Variants in SHANK2 observed in about 807,000 individuals in gnomAD.
The protein encoded by SHANK2 is SH3 and multiple ankyrin repeat domains protein 2.
Under a neutral mutation model 133.7 loss-of-function variants are expected in SHANK2, and 43 were observed. The ratio of observed to expected loss-of-function variants is 0.32; its 90% CI spans 0.25 to 0.41. The LOEUF is 0.41. Ranked by LOEUF, SHANK2 falls within the 10% of genes least tolerant of loss-of-function variation. The probability of loss-of-function intolerance (pLI) is 1.00; values close to 1 mark genes in which losing one functional copy is unlikely to be tolerated. For missense variants in SHANK2, 1,994 were observed against 2,235.8 expected (o/e 0.89, Z 2.18); for synonymous variants, 1,017 against 952.8 (o/e 1.07, Z -1.24).
At chr11:71,241,506 C>T (rs1423984356) in intron 1 of SHANK2, among the ~76,000 whole-genome samples, 1 of 152,174 alleles carries the variant, frequency 6.6e-6, no homozygotes, top group Non-Finnish European at 1.5e-5. Context: ...CACAATCAGC[C>T]TGCGTTTAAG....
intron 17 of SHANK2, among the ~76,000 whole-genome samples, chr11:70,600,418 C>CAAAAAAAAAAAAAAAAAAAAAAAAAAA (rs56103044): frequency 3.1e-5 from 3 of 95,460 alleles, no homozygotes; most frequent in Non-Finnish European, 6.2e-5. Flanking sequence ...GACTCTGTCT[C>CAAAAAAAAAAAAAAAAAAAAAAAAAAA]AAAAAAAAAA....
intron 8 of SHANK2, among the ~76,000 whole-genome samples, chr11:71,088,550 C>A (rs1296747558): frequency 1.9e-4 from 1 of 5,294 alleles, no homozygotes; most frequent in Non-Finnish European, 3.2e-4. Flanking sequence ...CACAACTCAG[C>A]CTTGTCCCCT....
chr11:71,073,223 A>G (rs1951172690), intron 9 of SHANK2, among the ~76,000 whole-genome samples: 1 of 133,940 alleles, frequency 7.5e-6, no homozygotes, highest in Non-Finnish European at 1.5e-5. Context: ...CAGTGGCACT[A>G]TCTCAGCTCA....
At chr11:70,687,854 C>G (rs1199578062) in intron 15 of SHANK2, among the ~76,000 whole-genome samples, 1 of 152,160 alleles carries the variant, frequency 6.6e-6, no homozygotes, top group Non-Finnish European at 1.5e-5. Flanking sequence ...CCCAGCCCCC[C>G]AGGCCCTCCT....
At chr11:70,683,778 A>T (rs1555018901) in intron 15 of SHANK2, among the ~76,000 whole-genome samples, 3 of 142,354 alleles carry the variant, frequency 2.1e-5, no homozygotes, top group African/African-American at 8.0e-5. Context: ...TAGCTTCATG[A>T]TCTCCTTTTT....
chr11:70,921,960 C>T (rs1373402992), intron 10 of SHANK2, among the ~76,000 whole-genome samples: 2 of 152,110 alleles, frequency 1.3e-5, no homozygotes, highest in Non-Finnish European at 2.9e-5. Flanking sequence ...TAGAAACAGA[C>T]CCATGGATGA....
intron 17 of SHANK2, among the ~76,000 whole-genome samples, chr11:70,653,322 G>A (rs2061360790): frequency 6.6e-6 from 1 of 152,106 alleles, no homozygotes; most frequent in South Asian, 2.1e-4. Context: ...GAAGCTGTGG[G>A]GATTGACCCT....
intron 18 of SHANK2, 138 bp from the exon 19 acceptor site, chr11:70,502,424 CT>C: frequency 2.5e-6 from 2 of 787,474 alleles, no homozygotes; most frequent in Non-Finnish European, 4.1e-6. Context: ...TGCAGGTGTG[CT>C]TATGATGGGA....
chr11:71,093,559 A>G (rs1951555267), intron 7 of SHANK2, among the ~76,000 whole-genome samples: 1 of 151,988 alleles, frequency 6.6e-6, no homozygotes, highest in South Asian at 2.1e-4. Flanking sequence ...TACTGTTTAA[A>G]AGTGTGGCAT....
At chr11:70,620,740 G>A (rs370510135) in intron 17 of SHANK2, among the ~76,000 whole-genome samples, 4 of 152,332 alleles carry the variant, frequency 2.6e-5, no homozygotes, top group African/African-American at 9.6e-5. Flanking sequence ...AATGGGATTA[G>A]TGTCCTTATA....
At chr11:71,151,369 C>T (rs1160989628) in intron 2 of SHANK2, among the ~76,000 whole-genome samples, 1 of 152,190 alleles carries the variant, frequency 6.6e-6, no homozygotes, top group Non-Finnish European at 1.5e-5. Context: ...GCGGGGTGCA[C>T]TGGAACCATG....
chr11:71,127,222 T>C (rs1555102855), intron 3 of SHANK2, among the ~76,000 whole-genome samples: 1 of 152,184 alleles, frequency 6.6e-6, no homozygotes, highest in Admixed American at 6.5e-5. Context: ...GATGAGGAGT[T>C]GCCTCTTTGG....
chr11:70,486,351 C>T lies in SHANK2; in HGVS notation c.3942G>A (p.Leu1314=). The T allele has an allele frequency of 6.2e-7, 1 of 1,613,956 alleles. No homozygotes were observed. Among genetic ancestry groups the T allele is most frequent in the Non-Finnish European group, 8.5e-7 (1 of 1,180,024 alleles). Reference sequence around the variant, plus strand: ...TAGTGGCGTCCACGGTGTGCACCATCAGCAGGCCAGCCGACTTCTGCTGGG... The same window carrying T: ...TAGTGGCGTCCACGGTGTGCACCATTAGCAGGCCAGCCGACTTCTGCTGGG... ...DTSQQKSAGL[L]MVHTVDATKL... Residue 1314 remains leucine, a synonymous_variant, in exon 25 of 26, where the codon CTG becomes CTA. Coordinates refer to ENST00000601538, the MANE Select transcript of SHANK2 (RefSeq NM_012309.5). This position sits in a 1 kb window ranked among gnomAD's most constrained non-coding sequence, Gnocchi z 8.0.
chr11:70,852,379 G>T (rs1211951836), intron 11 of SHANK2, among the ~76,000 whole-genome samples: 1 of 152,202 alleles, frequency 6.6e-6, no homozygotes, highest in Non-Finnish European at 1.5e-5. Flanking sequence ...GCCATGCAGG[G>T]GCTCCACGGG....
At chr11:71,209,186 G>C (rs1214377646) in intron 2 of SHANK2, among the ~76,000 whole-genome samples, 1 of 152,212 alleles carries the variant, frequency 6.6e-6, no homozygotes, top group Non-Finnish European at 1.5e-5. Flanking sequence ...GAAGCAGGAG[G>C]CTCCTCCAGC....
Position 70,473,097 on chromosome 11 carries a change from T to G in SHANK2, c.5322A>C (p.Ser1774=). The change falls in exon 26 of 26, where the codon TCA becomes TCC. Residue 1774 remains serine (S), a synonymous_variant. Transcript: ENST00000601538. The surrounding 1 kb of genome is among the most constrained non-coding windows in gnomAD (Gnocchi z 5.9). ...CAGGTTTAGTTGTAAAAGGCTTATTTGAGATTGGCTGTTGCAGTATCGAGG... is the reference window on the plus strand; with the variant it reads ...CAGGTTTAGTTGTAAAAGGCTTATTGGAGATTGGCTGTTGCAGTATCGAGG... The part of the protein sequence containing the change: ...PSPSILQQPI[S]NKPFTTKPVH... 1 of 1,614,250 alleles carries G rather than the reference T, an allele frequency of 6.2e-7. No individual in the cohort carries two copies. Among genetic ancestry groups the G allele is most frequent in the Non-Finnish European group, 8.5e-7 (1 of 1,180,050 alleles).
At chr11:70,654,649 T>C (rs924150026) in intron 17 of SHANK2, among the ~76,000 whole-genome samples, 1 of 152,226 alleles carries the variant, frequency 6.6e-6, no homozygotes, top group Non-Finnish European at 1.5e-5. Context: ...TGCTTTCTTA[T>C]GAATTCACAA....
At chr11:70,664,652 C>G (rs1377124615) in intron 15 of SHANK2, among the ~76,000 whole-genome samples, 5 of 152,226 alleles carry the variant, frequency 3.3e-5, no homozygotes, top group Non-Finnish European at 7.3e-5. Context: ...CCAACGCCAT[C>G]CAAACCTTGC....
chr11:70,888,637 T>A (rs372292378), intron 11 of SHANK2, among the ~76,000 whole-genome samples: 2 of 151,836 alleles, frequency 1.3e-5, no homozygotes, highest in African/African-American at 4.8e-5. Context: ...ACCAACATGG[T>A]GAAACCCCAT....
Sources: gnomAD v4.1 joint callset for allele counts (sites outside exome capture counted in the v4.1 genomes callset) on GRCh38, gnomAD v4.1.1 for gene constraint, Gnocchi (gnomAD v3.1) non-coding constraint, MANE v1.5 for transcripts, NCBI Gene and HGNC (gene_info 2026-07-23, HGNC 2026-07-21) for gene names.